Variants in USP3 observed in about 807,000 individuals in gnomAD.
USP3 encodes the protein ubiquitin carboxyl-terminal hydrolase 3.
In USP3, 20 loss-of-function variants were observed where a neutral mutation model predicts 72.3. That is an observed-to-expected ratio of 0.28 (90% CI 0.19 to 0.40). The LOEUF is 0.40. Ranked by LOEUF, USP3 falls within the 10% of genes least tolerant of loss-of-function variation. The pLI is 1.00. For synonymous variants in USP3, 222 were observed against 225.3 expected (o/e 0.99, Z 0.13); for missense variants, 479 against 633.9 (o/e 0.76, Z 2.62).
At chr15:63,550,889 G>T (rs1056388336) in intron 3 of USP3, among the ~76,000 whole-genome samples, 2 of 152,144 alleles carry the variant, frequency 1.3e-5, no homozygotes. Context: ...AGGCGCGGTG[G>T]CTCACACCTG....
rs1224305486 is a variant in USP3 at position 63,559,929 on chromosome 15, A to T, written c.606A>T (p.Gly202=). 1 of 1,613,990 alleles carries T rather than the reference A, an allele frequency of 6.2e-7. No individual in the cohort carries two copies. Among genetic ancestry groups the T allele is most frequent in the Non-Finnish European group, 8.5e-7 (1 of 1,179,966 alleles). Residue 202 remains glycine (G), a synonymous_variant, in exon 7 of 15, where the codon GGA becomes GGT. Transcript: ENST00000380324. ...AGTTAAGGAATGGGAAAACAGCAGG[A>T]AGGCGGACATACCACACCAGGAGCC... is the stretch of plus-strand genomic sequence containing the variant. ...AVELRNGKTA[G]RRTYHTRSQG... is the part of the protein sequence containing the mutation.
chr15:63,510,470 A>T (rs2065766246), intron 1 of USP3, among the ~76,000 whole-genome samples: 1 of 152,190 alleles, frequency 6.6e-6, no homozygotes, highest in South Asian at 2.1e-4. Flanking sequence ...TTTGTGTTCA[A>T]CCAAGGCATT....
In USP3 at chr15:63,590,741, C is replaced by G; in HGVS notation, c.1478C>G (p.Thr493Ser). The G allele has an allele frequency of 6.2e-7, 1 of 1,614,198 alleles. No homozygotes were observed. The change falls in exon 15 of 15, where the codon ACT (threonine) becomes AGT (serine). Residue 493 changes from threonine (T) to serine (S), a missense_variant. Physicochemically the swap from Thr to Ser is moderately conservative, Grantham distance 58 (BLOSUM62 1). Coordinates refer to ENST00000380324, the MANE Select transcript of USP3 (RefSeq NM_006537.4). The stretch of plus-strand genomic sequence containing the variant: ...TTCAATGACAGTACTGTAACACTGA[C>G]TGACGAGGAGACTGTGGTGAAGGCG... The part of the protein sequence containing the change: ...FHFNDSTVTL[T>S]DEETVVKAKA...
chr15:63,593,599 ATTGG>A lies in USP3; in HGVS notation c.*2780_*2783del, dbSNP rs1200615760. ...ACGTCTTCTCTCTGAATTTGTTTTT[ATTGG>A]TTGGTTTTACTTGAACAGAAACGTT... On this transcript the variant is annotated 3_prime_UTR_variant, in exon 15 of 15. Coordinates refer to ENST00000380324, the MANE Select transcript of USP3 (RefSeq NM_006537.4). The A allele has an allele frequency of 6.6e-6, 1 of 152,170 alleles. No homozygotes were observed. The highest frequency in any genetic ancestry group is 2.4e-5 in the African/African-American group (1 of 41,426). The allele number at this position is 152,170 out of a possible 1,614,324, so 9.4% of individuals were successfully genotyped here.
At chr15:63,540,107 A>G (rs961307796) in intron 3 of USP3, among the ~76,000 whole-genome samples, 9 of 152,228 alleles carry the variant, frequency 5.9e-5, no homozygotes, top group Admixed American at 2.0e-4. Context: ...TTGATTATAA[A>G]TATCTTGACT....
chr15:63,541,369 G>A (rs371828104), intron 3 of USP3, among the ~76,000 whole-genome samples: 13 of 152,210 alleles, frequency 8.5e-5, no homozygotes, highest in African/African-American at 2.4e-4. Flanking sequence ...CAGCAGTTGT[G>A]ATTAAAAATT....
At chr15:63,556,989 A>T in intron 5 of USP3, 1 of 362,782 alleles carries the variant, frequency 2.8e-6, no homozygotes, top group Non-Finnish European at 5.1e-6. Context: ...CCTAGAAAAC[A>T]GTTCACTCTT....
At chr15:63,545,353 TAGG>T (rs1443435136) in intron 3 of USP3, among the ~76,000 whole-genome samples, 1 of 152,208 alleles carries the variant, frequency 6.6e-6, no homozygotes, top group Non-Finnish European at 1.5e-5. Context: ...TACATTTAAT[TAGG>T]AGTTTATTAG....
At position 63,544,861 on chromosome 15, in the gene USP3, A is replaced by G. The variant is rs74018113; in HGVS notation, c.284+7705A>G. 2,430 of 608,198 alleles carry G rather than the reference A, an allele frequency of 4.0e-3. 44 individuals are homozygous for G. In the African/African-American group the frequency reaches 0.04, roughly 10 times the overall value. 37.7% of individuals were successfully genotyped at this position (608,198 alleles called of 1,614,324 possible). A position where few individuals can be genotyped will look rare whatever the true frequency, so the allele number is the denominator to read the frequency against. ...TCTAAGCAAGGCTGACATTGTGGGG[A>G]CCATCAAATACTATACTTAGTTCAG... On this transcript the variant is annotated intron_variant, in intron 3 of 14. Coordinates refer to ENST00000380324, the MANE Select transcript of USP3 (RefSeq NM_006537.4). This position sits in a 1 kb window ranked among gnomAD's most constrained non-coding sequence, Gnocchi z 4.2.
chr15:63,584,388 G>A lies in USP3; in HGVS notation c.1097-3917G>A, dbSNP rs1019977103. Among the ~76,000 whole-genome samples, 6 of 152,094 alleles carry A rather than the reference G, an allele frequency of 3.9e-5. No individual in the cohort carries two copies. In the East Asian group the frequency reaches 5.8e-4, roughly 15 times the overall value. On this transcript the variant is annotated intron_variant, in intron 11 of 14. Coordinates refer to ENST00000380324, the MANE Select transcript of USP3 (RefSeq NM_006537.4). The stretch of plus-strand genomic sequence containing the variant: ...GCTGGGATTACAGGTGTGAGGCACC[G>A]CACCCAGCCGGTACAAAGGTTTTAA...
intron 1 of USP3, among the ~76,000 whole-genome samples, chr15:63,521,521 C>G (rs755799195): frequency 6.6e-6 from 1 of 152,158 alleles, no homozygotes; most frequent in Non-Finnish European, 1.5e-5. Flanking sequence ...AAATACTTAT[C>G]TATCGTAATT....
rs997603642 is a variant in USP3 at position 63,559,763 on chromosome 15, T to C, written c.534-94T>C. On this transcript the variant is annotated intron_variant, in intron 6 of 14. Coordinates refer to ENST00000380324, the MANE Select transcript of USP3 (RefSeq NM_006537.4). The stretch of plus-strand genomic sequence containing the variant: ...CAGTTTAAATGAGACAATTGAAAAA[T>C]GGCAGTTTCAAAATGTATATGTAGG... 81 of 992,992 alleles carry C rather than the reference T, an allele frequency of 8.2e-5. 1 individual carries two copies. The highest frequency in any genetic ancestry group is 6.9e-4 in the South Asian group (40 of 57,816). 61.5% of individuals were successfully genotyped at this position (992,992 alleles called of 1,614,324 possible).
intron 1 of USP3, among the ~76,000 whole-genome samples, chr15:63,531,154 T>G (rs1456245879): frequency 1.3e-5 from 2 of 152,212 alleles, no homozygotes; most frequent in Non-Finnish European, 2.9e-5. Flanking sequence ...CCTCAGGCAG[T>G]AATCACTGTG....
At chr15:63,554,586 G>A (rs1327704817) in intron 4 of USP3, among the ~76,000 whole-genome samples, 1 of 152,174 alleles carries the variant, frequency 6.6e-6, no homozygotes, top group Non-Finnish European at 1.5e-5. Flanking sequence ...ATGTGTAGAA[G>A]GTATTGTGAA....
At chr15:63,573,957 T>C (rs2066820318) in intron 9 of USP3, 89 bp from the exon 10 acceptor site, 1 of 807,362 alleles carries the variant, frequency 1.2e-6, no homozygotes, top group Non-Finnish European at 1.8e-6. Flanking sequence ...CAGTCATCTG[T>C]AGGGGCTTTA....
In USP3 at chr15:63,582,249, T is replaced by C. The variant is rs1485715971; in HGVS notation, c.1097-6056T>C. Among the ~76,000 whole-genome samples the C allele has an allele frequency of 2.0e-5, 3 of 152,198 alleles. No individual in the cohort carries two copies. The East Asian group carries it at 5.8e-4, about 29-fold the overall frequency. On this transcript the variant is annotated intron_variant, in intron 11 of 14. Coordinates refer to ENST00000380324, the MANE Select transcript of USP3 (RefSeq NM_006537.4). ...GTTTCTGGGGATGCTCAGGTAACTT[T>C]TTAAAACCCATGAAGAGATGACAGT...
chr15:63,516,790 T>A (rs989417279), intron 1 of USP3, among the ~76,000 whole-genome samples: 2 of 151,894 alleles, frequency 1.3e-5, no homozygotes, highest in African/African-American at 2.4e-5. Flanking sequence ...GGTAGTTTTT[T>A]TTTTATTTTA....
Position 63,548,381 on chromosome 15 carries a change from A to G in USP3, c.285-5334A>G, listed in dbSNP as rs189540619. Among the ~76,000 whole-genome samples, 15 of 152,096 alleles carry G rather than the reference A, an allele frequency of 9.9e-5. No homozygotes were observed. In the East Asian group the frequency reaches 2.7e-3, roughly 28 times the overall value. ...CACTCTGTTGCCCAGGCTGGAGTGC[A>G]GTAGCACGATCTCAGCTTACTGCAG... On this transcript the variant is annotated intron_variant, in intron 3 of 14. Transcript: ENST00000380324.
At chr15:63,564,267 C>G (rs1414681971) in intron 8 of USP3, among the ~76,000 whole-genome samples, 1 of 152,056 alleles carries the variant, frequency 6.6e-6, no homozygotes, top group Non-Finnish European at 1.5e-5. Context: ...TCCAGCCAAG[C>G]AGGAAATATT....
Sources: allele counts gnomAD v4.1 joint callset (sites outside exome capture counted in the v4.1 genomes callset), GRCh38; gene constraint gnomAD v4.1.1; non-coding constraint Gnocchi (gnomAD v3.1); transcripts MANE v1.5; gene names NCBI Gene and HGNC (gene_info 2026-07-23, HGNC 2026-07-21).